The following TTC27 variants were observed in gnomAD, a reference collection of about 807,000 sequenced individuals.
TTC27 encodes tetratricopeptide repeat protein 27.
A neutral mutation model predicts 115.9 loss-of-function variants in TTC27; 79 were observed. The ratio of observed to expected loss-of-function variants is 0.68; its 90% CI spans 0.57 to 0.82. TTC27 has a LOEUF of 0.82. TTC27 is among the 40% of genes least tolerant of loss of function. The pLI is 0.00. For missense variants in TTC27, 1,054 were observed against 993.1 expected (o/e 1.06, Z -0.82); for synonymous variants, 401 against 356.0 (o/e 1.13, Z -1.42).
intron 5 of TTC27, among the ~76,000 whole-genome samples, chr2:32,660,407 C>A (rs535122738): frequency 1.3e-5 from 2 of 152,212 alleles, no homozygotes; most frequent in South Asian, 4.1e-4. Context: ...CCATGGAATA[C>A]CATGCGGCTA....
intron 16 of TTC27, among the ~76,000 whole-genome samples, chr2:32,791,869 C>T (rs1670549795): frequency 6.6e-6 from 1 of 151,800 alleles, no homozygotes; most frequent in South Asian, 2.1e-4. Flanking sequence ...AGCAAAACCC[C>T]ATCTCAAAAA....
intron 10 of TTC27, among the ~76,000 whole-genome samples, chr2:32,733,594 T>G (rs1668361811): frequency 6.6e-6 from 1 of 152,218 alleles, no homozygotes; most frequent in South Asian, 2.1e-4. Context: ...TATAGGAAAT[T>G]AAAACTTTTT....
chr2:32,658,148 G>C (rs1392856257), intron 5 of TTC27, among the ~76,000 whole-genome samples: 1 of 151,898 alleles, frequency 6.6e-6, no homozygotes, highest in Non-Finnish European at 1.5e-5. Flanking sequence ...TTTTTTTTTA[G>C]AGACTGCTCT....
chr2:32,754,181 G>A (rs1266690074), intron 12 of TTC27, among the ~76,000 whole-genome samples: 1 of 148,404 alleles, frequency 6.7e-6, no homozygotes, highest in South Asian at 2.1e-4. Flanking sequence ...ATTCTTGGGT[G>A]TTTCTCGCAG....
chr2:32,686,866 A>G (rs187938522), intron 9 of TTC27, among the ~76,000 whole-genome samples: 41 of 152,114 alleles, frequency 2.7e-4, no homozygotes, highest in Admixed American at 9.2e-4. Flanking sequence ...TGTGTGTGAG[A>G]TGGAGTCTCA....
chr2:32,784,780 T>A (rs1466996316), intron 15 of TTC27, among the ~76,000 whole-genome samples: 1 of 152,146 alleles, frequency 6.6e-6, no homozygotes, highest in African/African-American at 2.4e-5. Flanking sequence ...CCTCATGGTG[T>A]GGATTTTTAC....
intron 10 of TTC27, among the ~76,000 whole-genome samples, chr2:32,715,703 G>A (rs1194391780): frequency 6.6e-6 from 1 of 152,090 alleles, no homozygotes; most frequent in Non-Finnish European, 1.5e-5. Context: ...TTCTTTATAT[G>A]GCACTCATGA....
At chr2:32,697,726 G>A (rs1667040578) in intron 9 of TTC27, among the ~76,000 whole-genome samples, 1 of 152,018 alleles carries the variant, frequency 6.6e-6, no homozygotes, top group African/African-American at 2.4e-5. Context: ...TGGGACGGTA[G>A]AGGAATTCAA....
intron 12 of TTC27, among the ~76,000 whole-genome samples, chr2:32,753,728 T>C (rs1669100910): frequency 6.6e-6 from 1 of 152,146 alleles, no homozygotes; most frequent in Non-Finnish European, 1.5e-5. Flanking sequence ...ATTACAGGCT[T>C]GAGCCACCGT....
chr2:32,777,955 A>G lies in TTC27; in HGVS notation c.1754A>G (p.Gln585Arg). 6.2e-7 allele frequency: 1 copy of G among 1,614,030 alleles called. No individual in the cohort carries two copies. The highest frequency in any genetic ancestry group is 8.5e-7 in the Non-Finnish European group (1 of 1,179,990). Residue 585 changes from glutamine to arginine, a missense_variant, in exon 14 of 20, where the codon CAG becomes CGG. Transcript: ENST00000317907. ...EDYQGSAKAFQRCVTLEPDNA... is the reference protein window; with the variant it reads ...EDYQGSAKAFRRCVTLEPDNA... The stretch of plus-strand genomic sequence containing the variant: ...TATCAAGGTTCAGCAAAGGCATTTC[A>G]GCGCTGTGTGACTCTAGAACCCGAT...
intron 12 of TTC27, among the ~76,000 whole-genome samples, chr2:32,755,211 C>G (rs1312896202): frequency 6.6e-6 from 1 of 152,184 alleles, no homozygotes; most frequent in Non-Finnish European, 1.5e-5. Context: ...AATCTCGGCA[C>G]TTTGGGAGGC....
Position 32,811,017 on chromosome 2 carries a change from T to G in TTC27, c.1999-7T>G. ...TAACTTACCAGTTTGTTCTGTGCATTTTTAAGGTCCTTAAAATTCTAGTCA... is the reference window on the plus strand; with the variant it reads ...TAACTTACCAGTTTGTTCTGTGCATGTTTAAGGTCCTTAAAATTCTAGTCA... On this transcript the variant is annotated splice_polypyrimidine_tract_variant and splice_region_variant and intron_variant, in intron 16 of 19. Transcript: ENST00000317907. 1 of 1,614,174 alleles carries G rather than the reference T, an allele frequency of 6.2e-7. No individual in the cohort carries two copies.
At chr2:32,703,397 G>A (rs983553525) in intron 10 of TTC27, among the ~76,000 whole-genome samples, 1 of 152,142 alleles carries the variant, frequency 6.6e-6, no homozygotes, top group African/African-American at 2.4e-5. Flanking sequence ...AACCCTGGAG[G>A]CAAAGGTCGC....
intron 4 of TTC27, among the ~76,000 whole-genome samples, chr2:32,647,001 A>T (rs1664890700): frequency 1.4e-5 from 2 of 146,704 alleles, no homozygotes. Context: ...TTAGAGTCAG[A>T]GTCTCTTCTC....
At chr2:32,736,313 C>A (rs1038179400) in intron 11 of TTC27, among the ~76,000 whole-genome samples, 4 of 152,146 alleles carry the variant, frequency 2.6e-5, no homozygotes, top group Non-Finnish European at 5.9e-5. Flanking sequence ...TTTATGTCAT[C>A]TCTATTGACT....
chr2:32,676,627 A>G (rs764080722), intron 8 of TTC27, among the ~76,000 whole-genome samples: 2 of 150,440 alleles, frequency 1.3e-5, no homozygotes, highest in African/African-American at 2.5e-5. Context: ...AGTAGCTGGG[A>G]TTATAGGCAC....
chr2:32,789,904 G>C (rs1670472693), intron 16 of TTC27, among the ~76,000 whole-genome samples: 1 of 106,024 alleles, frequency 9.4e-6, no homozygotes, highest in Non-Finnish European at 1.7e-5. Flanking sequence ...CTGGATGACA[G>C]AGCAAGACCC....
chr2:32,679,977 C>T (rs1572508805), intron 9 of TTC27, among the ~76,000 whole-genome samples: 1 of 152,148 alleles, frequency 6.6e-6, no homozygotes, highest in East Asian at 1.9e-4. Flanking sequence ...GAGCAAGACT[C>T]CGCCTCAAAC....
At chr2:32,818,258 A>C (rs945967107) in intron 19 of TTC27, among the ~76,000 whole-genome samples, 4 of 152,220 alleles carry the variant, frequency 2.6e-5, no homozygotes, top group Non-Finnish European at 4.4e-5. Context: ...CATCAAGCCT[A>C]TAATTTCATG....
Sources: gnomAD v4.1 joint callset for allele counts (sites outside exome capture counted in the v4.1 genomes callset) on GRCh38, gnomAD v4.1.1 for gene constraint, MANE v1.5 for transcripts, NCBI Gene and HGNC (gene_info 2026-07-23, HGNC 2026-07-21) for gene names.